Variants in RBFOX2 observed in about 807,000 individuals in gnomAD.
RBFOX2 encodes RNA binding fox-1 homolog 2, also known as RNA binding protein fox-1 homolog 2.
Under a neutral mutation model 49.1 loss-of-function variants are expected in RBFOX2, and 10 were observed. That is an observed-to-expected ratio of 0.20 (90% CI 0.13 to 0.35). The LOEUF (loss-of-function observed/expected upper bound fraction) is 0.35, where lower values mean the gene tolerates loss of function less well. RBFOX2 is among the 10% of genes least tolerant of loss of function. The pLI is 1.00. For missense variants in RBFOX2, 323 were observed against 486.9 expected, an observed-to-expected ratio of 0.66 and a Z score of 3.17; for synonymous variants, 183 against 187.4, an observed-to-expected ratio of 0.98 and a Z score of 0.19.
chr22:35,861,323 C>T (rs2043065832), intron 1 of RBFOX2, among the ~76,000 whole-genome samples: 1 of 152,108 alleles, frequency 6.6e-6, no homozygotes, highest in Admixed American at 6.6e-5. Context: ...TTTAAAACTT[C>T]TGCTTATCAA....
intron 1 of RBFOX2, among the ~76,000 whole-genome samples, chr22:35,882,209 G>A (rs372468679): frequency 6.6e-6 from 1 of 152,112 alleles, no homozygotes; most frequent in Non-Finnish European, 1.5e-5. Context: ...AATCAGGAAA[G>A]TATGATGTCC....
At chr22:35,807,600 G>C (rs1010873380) in intron 2 of RBFOX2, among the ~76,000 whole-genome samples, 13 of 151,910 alleles carry the variant, frequency 8.6e-5, no homozygotes, top group African/African-American at 2.9e-4. Flanking sequence ...CAGCTAAAGG[G>C]AAACTTTCTG....
intron 2 of RBFOX2, among the ~76,000 whole-genome samples, chr22:35,792,330 A>AAAAAAG (rs1555915604): frequency 2.8e-4 from 38 of 136,426 alleles, no homozygotes; most frequent in East Asian, 1.4e-3. Flanking sequence ...AAAAAAAAAA[A>AAAAAAG]AAAAGAAAAG....
intron 1 of RBFOX2, among the ~76,000 whole-genome samples, chr22:35,926,221 A>G (rs1288875894): frequency 6.6e-6 from 1 of 152,236 alleles, no homozygotes; most frequent in African/African-American, 2.4e-5. Flanking sequence ...ACAAAATGGT[A>G]GCCAGAATTG....
intron 2 of RBFOX2, among the ~76,000 whole-genome samples, chr22:35,801,175 C>T (rs1312699659): frequency 6.6e-6 from 1 of 152,016 alleles, no homozygotes; most frequent in Non-Finnish European, 1.5e-5. Flanking sequence ...AATTTTTAAA[C>T]TGAAAAGTGA....
intron 1 of RBFOX2, among the ~76,000 whole-genome samples, chr22:35,982,030 A>G (rs1027474758): frequency 1.3e-5 from 2 of 152,186 alleles, no homozygotes; most frequent in Non-Finnish European, 2.9e-5. Flanking sequence ...AGCCATCTGT[A>G]CTTACAGCCA....
chr22:35,832,353 A>T (rs564508236), intron 1 of RBFOX2, among the ~76,000 whole-genome samples: 1 of 152,094 alleles, frequency 6.6e-6, no homozygotes, highest in East Asian at 1.9e-4. Flanking sequence ...AACCTGGGCG[A>T]AAGAGTGAGA....
chr22:35,806,767 G>A (rs958559797), intron 2 of RBFOX2, among the ~76,000 whole-genome samples: 10 of 152,174 alleles, frequency 6.6e-5, no homozygotes, highest in Non-Finnish European at 1.3e-4. Context: ...GAAATTTTCA[G>A]ACTGGATGAA....
chr22:35,839,386 AAG>A, intron 1 of RBFOX2, among the ~76,000 whole-genome samples: 1 of 151,208 alleles, frequency 6.6e-6, no homozygotes, highest in East Asian at 2.0e-4. Context: ...GGCAGGGAGA[AAG>A]AGGGGAAAAG....
intron 1 of RBFOX2, among the ~76,000 whole-genome samples, chr22:35,946,373 A>C (rs1174506150): frequency 1.3e-5 from 2 of 152,222 alleles, no homozygotes; most frequent in African/African-American, 4.8e-5. Flanking sequence ...GAAGATACAG[A>C]TTCAAATTCT....
chr22:35,841,063 T>C (rs1958684111), upstream of RBFOX2, among the ~76,000 whole-genome samples: 1 of 152,184 alleles, frequency 6.6e-6, no homozygotes, highest in African/African-American at 2.4e-5. Flanking sequence ...TTTTTCCTAC[T>C]ATAAAAAATA....
At chr22:35,762,694 G>A (rs1939370957) in intron 6 of RBFOX2, among the ~76,000 whole-genome samples, 1 of 151,780 alleles carries the variant, frequency 6.6e-6, no homozygotes, top group Admixed American at 6.6e-5. Flanking sequence ...TAGTAGAGAT[G>A]GGGTTTCACC....
chr22:35,915,508 C>T (rs562600706), intron 1 of RBFOX2, among the ~76,000 whole-genome samples: 2 of 152,226 alleles, frequency 1.3e-5, no homozygotes, highest in Admixed American at 1.3e-4. Flanking sequence ...GAGAGGCAGC[C>T]GCTCTCCCTG....
At chr22:35,819,768 T>C (rs1466299015) in intron 1 of RBFOX2, among the ~76,000 whole-genome samples, 5 of 152,204 alleles carry the variant, frequency 3.3e-5, no homozygotes, top group Admixed American at 2.6e-4. Context: ...AAATAATAAA[T>C]TGGCAAGTAA....
In RBFOX2 at chr22:35,759,743, A is replaced by T; in HGVS notation, c.887+145T>A. The T allele has an allele frequency of 3.6e-6, 4 of 1,116,324 alleles. No individual in the cohort carries two copies. The highest frequency in any genetic ancestry group is 3.2e-5 in the South Asian group (2 of 62,628). 69.2% of individuals were successfully genotyped at this position (1,116,324 alleles called of 1,614,324 possible). ...ATGATGGTATATTTTGTTTTTTGTCATCTAATCTGTTAATTTGCAAATATT... is the reference window on the plus strand; with the variant it reads ...ATGATGGTATATTTTGTTTTTTGTCTTCTAATCTGTTAATTTGCAAATATT... On this transcript the variant is annotated intron_variant, in intron 9 of 11. Coordinates refer to ENST00000405409, the Ensembl canonical transcript of RBFOX2. This position sits in a 1 kb window ranked among gnomAD's most constrained non-coding sequence, Gnocchi z 4.6.
At chr22:35,807,797 G>T (rs994080193) in intron 2 of RBFOX2, among the ~76,000 whole-genome samples, 17 of 151,698 alleles carry the variant, frequency 1.1e-4, no homozygotes, top group African/African-American at 4.1e-4. Context: ...AAAAAAAGTT[G>T]GTTTCCTGGA....
At chr22:35,851,653 C>G (rs1225626260) in intron 1 of RBFOX2, among the ~76,000 whole-genome samples, 1 of 151,884 alleles carries the variant, frequency 6.6e-6, no homozygotes, top group Non-Finnish European at 1.5e-5. Flanking sequence ...ATGGCAAAAC[C>G]CTGTCTCTAT....
At position 35,875,585 on chromosome 22, in the gene RBFOX2, C is replaced by T. The variant is rs953816077; in HGVS notation, c.-34+63262G>A. Among the ~76,000 whole-genome samples, 15 of 145,110 alleles carry T rather than the reference C, an allele frequency of 1.0e-4. No homozygotes were observed. The South Asian group carries it at 2.9e-3, about 28-fold the overall frequency. On this transcript the variant is annotated intron_variant, in intron 1 of 13. Coordinates refer to the RBFOX2 transcript ENST00000359369. ...TCCCCAAACTATGCACCATCAACTGCGAATTAATAAATGCTCACAAGGGTG... is the reference window on the plus strand; with the variant it reads ...TCCCCAAACTATGCACCATCAACTGTGAATTAATAAATGCTCACAAGGGTG...
intron 1 of RBFOX2, among the ~76,000 whole-genome samples, chr22:36,024,278 A>G (rs1035933214): frequency 6.6e-6 from 1 of 152,242 alleles, no homozygotes; most frequent in Admixed American, 6.5e-5. Flanking sequence ...TATAGTTCCT[A>G]TCTTTTAGAA....
Sources: allele counts gnomAD v4.1 joint callset (sites outside exome capture counted in the v4.1 genomes callset), GRCh38; gene constraint gnomAD v4.1.1; non-coding constraint Gnocchi (gnomAD v3.1); transcripts MANE v1.5; gene names NCBI Gene and HGNC (gene_info 2026-07-23, HGNC 2026-07-21).